The following KCTD8 variants were observed in gnomAD, a reference collection of about 807,000 sequenced individuals.
KCTD8 encodes the protein potassium channel tetramerization domain containing 8, also known as BTB/POZ domain-containing protein KCTD8.
Under a neutral mutation model 31.5 loss-of-function variants are expected in KCTD8, and 27 were observed. The observed-to-expected ratio is 0.86, with a 90% confidence interval of 0.63 to 1.18. The LOEUF is 1.18. Among genes scored for constraint, KCTD8 ranks in the 50% most tolerant of loss-of-function variants. KCTD8 has a pLI of 0.00. For missense variants in KCTD8, 658 were observed against 647.7 expected (o/e 1.02, Z -0.17); for synonymous variants, 290 against 280.0 (o/e 1.04, Z -0.36).
chr4:44,180,892 T>A (rs1713363035), intron 1 of KCTD8, among the ~76,000 whole-genome samples: 1 of 152,198 alleles, frequency 6.6e-6, no homozygotes. Flanking sequence ...ATTAAAAGGT[T>A]ACCATGAATA....
intron 1 of KCTD8, among the ~76,000 whole-genome samples, chr4:44,213,560 A>G (rs904702325): frequency 2.6e-5 from 4 of 152,188 alleles, no homozygotes; most frequent in African/African-American, 7.2e-5. Flanking sequence ...TTTCCAATTA[A>G]TCATCTTTAA....
rs147821251 is a variant in KCTD8, at chr4:44,256,996, A to C, written c.962-81746T>G. On this transcript the variant is annotated intron_variant, in intron 1 of 1. Transcript: ENST00000360029. ...TCCCCAAAATAATGTTGAAAGAAAG[A>C]GGTTCGATGTAAAAATGGTAAATAC... is the stretch of plus-strand genomic sequence containing the variant. 6.7e-4 allele frequency among the ~76,000 whole-genome samples: 102 copies of C among 152,098 alleles called. 1 individual carries two copies. In the East Asian group the frequency reaches 0.017, roughly 25 times the overall value.
At chr4:44,358,816 G>T (rs148405972) in intron 1 of KCTD8, among the ~76,000 whole-genome samples, 7 of 152,066 alleles carry the variant, frequency 4.6e-5, no homozygotes, top group Non-Finnish European at 7.4e-5. Context: ...TGATCCACCC[G>T]CCTCGGCCTC....
chr4:44,203,888 C>T (rs1317613752), intron 1 of KCTD8, among the ~76,000 whole-genome samples: 1 of 150,934 alleles, frequency 6.6e-6, no homozygotes, highest in Non-Finnish European at 1.5e-5. Flanking sequence ...AAATAGAAAA[C>T]ATGAAGTAAT....
Position 44,288,899 on chromosome 4 carries a change from T to A in KCTD8, c.962-113649A>T, listed in dbSNP as rs1339211690. ...CCTTGTTAAAGTGTCAGATTTTTATTCTTATTTGAACTTTTCTAATCAGTA... is the reference window on the plus strand; with the variant it reads ...CCTTGTTAAAGTGTCAGATTTTTATACTTATTTGAACTTTTCTAATCAGTA... On this transcript the variant is annotated intron_variant, in intron 1 of 1. Coordinates refer to ENST00000360029, the MANE Select transcript of KCTD8 (RefSeq NM_198353.3). Among the ~76,000 whole-genome samples the A allele has an allele frequency of 3.3e-5, 5 of 149,998 alleles. No individual in the cohort carries two copies. The Admixed American group carries it at 3.4e-4, about 10-fold the overall frequency.
intron 1 of KCTD8, among the ~76,000 whole-genome samples, chr4:44,269,478 G>A (rs1248863073): frequency 1.3e-5 from 2 of 151,176 alleles, no homozygotes; most frequent in Non-Finnish European, 3.0e-5. Context: ...ACATAGGCAT[G>A]GGCAAGGACT....
intron 1 of KCTD8, among the ~76,000 whole-genome samples, chr4:44,244,731 A>G (rs1206912353): frequency 6.6e-6 from 1 of 151,982 alleles, no homozygotes; most frequent in Non-Finnish European, 1.5e-5. Context: ...AAGATGCTAC[A>G]CAGAGAGACC....
chr4:44,442,774 T>TACACACGTACACAC (rs10938342), intron 1 of KCTD8, among the ~76,000 whole-genome samples: 4 of 147,234 alleles, frequency 2.7e-5, no homozygotes, highest in Admixed American at 2.0e-4. Context: ...AACTAAGGTA[T>TACACACGTACACAC]ACACACACAC....
chr4:44,422,579 C>G (rs142618098), intron 1 of KCTD8, among the ~76,000 whole-genome samples: 1 of 151,918 alleles, frequency 6.6e-6, no homozygotes, highest in Admixed American at 6.6e-5. Flanking sequence ...CAGAATATAA[C>G]CCTTAATTGC....
rs534697814 is a variant in KCTD8, at chr4:44,332,105, C to T, written c.961+115458G>A. 2.0e-5 allele frequency among the ~76,000 whole-genome samples: 3 copies of T among 151,954 alleles called. No individual in the cohort carries two copies. In the East Asian group the frequency reaches 5.8e-4, roughly 29 times the overall value. ...TTAATGCAATACGCTGAAAGAAATG[C>T]TCTAAGTAATCAGAGGTGTAAATTT... On this transcript the variant is annotated intron_variant, in intron 1 of 1. Coordinates refer to ENST00000360029, the MANE Select transcript of KCTD8 (RefSeq NM_198353.3).
intron 1 of KCTD8, among the ~76,000 whole-genome samples, chr4:44,343,536 C>T (rs539563760): frequency 1.6e-4 from 24 of 152,232 alleles, no homozygotes; most frequent in Middle Eastern, 3.4e-3. Flanking sequence ...TGAGCACCTG[C>T]TGTCTGAAAA....
Position 44,270,152 on chromosome 4 carries a change from CAAT to C in KCTD8, c.962-94905_962-94903del, listed in dbSNP as rs1716540187. Among the ~76,000 whole-genome samples the C allele has an allele frequency of 2.6e-5, 4 of 152,038 alleles. No individual in the cohort carries two copies. The South Asian group carries it at 8.3e-4, about 32-fold the overall frequency. On this transcript the variant is annotated intron_variant, in intron 1 of 1. Transcript: ENST00000360029. Reference sequence around the variant, plus strand: ...TCTTGGAACCAACCCAAATGTCCAACAATGATAGACTGGATTAAGAAAATGTGG... The same window carrying C: ...TCTTGGAACCAACCCAAATGTCCAACGATAGACTGGATTAAGAAAATGTGG...
chr4:44,328,026 T>G (rs1183968266), intron 1 of KCTD8, among the ~76,000 whole-genome samples: 3 of 151,920 alleles, frequency 2.0e-5, no homozygotes, highest in Non-Finnish European at 4.4e-5. Context: ...AATGCTTCTC[T>G]CACATCAAAT....
intron 1 of KCTD8, among the ~76,000 whole-genome samples, chr4:44,292,414 T>A (rs1243354504): frequency 6.6e-6 from 1 of 151,854 alleles, no homozygotes; most frequent in Non-Finnish European, 1.5e-5. Flanking sequence ...TAAATGGGAG[T>A]GAAACCCTGA....
chr4:44,315,431 A>ACC (rs1718078079), intron 1 of KCTD8, among the ~76,000 whole-genome samples: 1 of 152,108 alleles, frequency 6.6e-6, no homozygotes, highest in African/African-American at 2.4e-5. Context: ...GATTATGAAA[A>ACC]CATTATGTAC....
intron 1 of KCTD8, among the ~76,000 whole-genome samples, chr4:44,244,596 A>ATATCCTCC (rs1389785573): frequency 6.6e-6 from 1 of 152,156 alleles, no homozygotes; most frequent in Non-Finnish European, 1.5e-5. Context: ...GATTACCTAA[A>ATATCCTCC]TATCCTCCTC....
chr4:44,345,908 T>C (rs1174343057), intron 1 of KCTD8, among the ~76,000 whole-genome samples: 1 of 151,676 alleles, frequency 6.6e-6, no homozygotes, highest in Non-Finnish European at 1.5e-5. Flanking sequence ...AAAAATTAAA[T>C]AGAAAAGGCT....
intron 1 of KCTD8, among the ~76,000 whole-genome samples, chr4:44,286,649 A>C (rs1479159012): frequency 6.6e-6 from 1 of 152,144 alleles, no homozygotes; most frequent in African/African-American, 2.4e-5. Flanking sequence ...AGCTTTCTAG[A>C]TAAAGGTAAG....
intron 1 of KCTD8, among the ~76,000 whole-genome samples, chr4:44,277,969 G>T (rs538370102): frequency 1.3e-5 from 2 of 152,064 alleles, no homozygotes; most frequent in African/African-American, 4.8e-5. Context: ...AAGTTACAAG[G>T]ATTGTACTAA....
Sources: allele counts gnomAD v4.1 joint callset (sites outside exome capture counted in the v4.1 genomes callset), GRCh38; gene constraint gnomAD v4.1.1; transcripts MANE v1.5; gene names NCBI Gene and HGNC (gene_info 2026-07-23, HGNC 2026-07-21).